SH3GL2: variants seen among roughly 807,000 people sequenced by gnomAD.
The protein encoded by SH3GL2 is endophilin-A1.
A neutral mutation model predicts 46.0 loss-of-function variants in SH3GL2; 24 were observed. The ratio of observed to expected loss-of-function variants is 0.52; its 90% CI spans 0.38 to 0.73. The LOEUF (loss-of-function observed/expected upper bound fraction) is 0.73, where lower values mean the gene tolerates loss of function less well. Ranked by LOEUF, SH3GL2 falls within the 30% of genes least tolerant of loss-of-function variation. The pLI is 0.00. For missense variants in SH3GL2, 413 were observed against 424.2 expected, an observed-to-expected ratio of 0.97 and a Z score of 0.23; for synonymous variants, 196 against 147.1, an observed-to-expected ratio of 1.33 and a Z score of -2.40.
At chr9:17,767,784 G>A (rs1823355696) in intron 3 of SH3GL2, among the ~76,000 whole-genome samples, 1 of 152,182 alleles carries the variant, frequency 6.6e-6, no homozygotes, top group Admixed American at 6.5e-5. Context: ...TACAAAAGCA[G>A]TTGTGAGGAA....
At chr9:17,784,188 A>T (rs1823891655) in intron 3 of SH3GL2, among the ~76,000 whole-genome samples, 1 of 152,178 alleles carries the variant, frequency 6.6e-6, no homozygotes, top group South Asian at 2.1e-4. Flanking sequence ...CTTCTTATGA[A>T]AATATAGAAC....
At chr9:17,589,743 G>A (rs1310727396) in intron 1 of SH3GL2, 1 of 152,274 alleles carries the variant, frequency 6.6e-6, no homozygotes, top group Admixed American at 6.5e-5. Context: ...CTTTGAAGTT[G>A]TTCATTAAGT....
chr9:17,685,569 T>C (rs923166910), intron 1 of SH3GL2, among the ~76,000 whole-genome samples: 1 of 152,088 alleles, frequency 6.6e-6, no homozygotes, highest in Non-Finnish European at 1.5e-5. Flanking sequence ...TCTAGGGTTT[T>C]TATGGTTTTA....
intron 1 of SH3GL2, among the ~76,000 whole-genome samples, chr9:17,580,618 A>G (rs8181077): frequency 6.6e-6 from 1 of 152,000 alleles, no homozygotes; most frequent in Non-Finnish European, 1.5e-5. Flanking sequence ...AATTGGAGTT[A>G]TCTGTGACCT....
intron 2 of SH3GL2, among the ~76,000 whole-genome samples, chr9:17,750,115 A>G (rs1212111308): frequency 2.6e-5 from 4 of 152,208 alleles, no homozygotes; most frequent in South Asian, 2.1e-4. Flanking sequence ...CATGAATAGT[A>G]TAAGATTTCT....
chr9:17,597,153 A>G (rs1818587382), intron 1 of SH3GL2, among the ~76,000 whole-genome samples: 1 of 152,242 alleles, frequency 6.6e-6, no homozygotes, highest in African/African-American at 2.4e-5. Context: ...GCTGAAGCAT[A>G]TACCAAATTG....
intron 2 of SH3GL2, among the ~76,000 whole-genome samples, chr9:17,758,907 T>C (rs1823088763): frequency 6.6e-6 from 1 of 152,122 alleles, no homozygotes; most frequent in South Asian, 2.1e-4. Flanking sequence ...ATAGTTTTTA[T>C]TCCTACTTCT....
intron 1 of SH3GL2, among the ~76,000 whole-genome samples, chr9:17,662,114 G>T (rs1161738713): frequency 1.3e-5 from 2 of 152,166 alleles, no homozygotes; most frequent in Non-Finnish European, 1.5e-5. Flanking sequence ...TGCTTGATAA[G>T]AATGTGCATT....
At chr9:17,732,266 A>T (rs1023649531) in intron 1 of SH3GL2, among the ~76,000 whole-genome samples, 2 of 152,138 alleles carry the variant, frequency 1.3e-5, no homozygotes, top group Non-Finnish European at 2.9e-5. Context: ...TTTGCCCTCA[A>T]GGTTTGCCAC....
intron 1 of SH3GL2, among the ~76,000 whole-genome samples, chr9:17,652,700 G>C (rs1819984675): frequency 6.6e-6 from 1 of 152,150 alleles, no homozygotes; most frequent in Non-Finnish European, 1.5e-5. Flanking sequence ...CAAAGGAAAT[G>C]CTCATTGGAG....
At chr9:17,685,665 T>C (rs1820884164) in intron 1 of SH3GL2, among the ~76,000 whole-genome samples, 1 of 152,124 alleles carries the variant, frequency 6.6e-6, no homozygotes, top group African/African-American at 2.4e-5. Context: ...TTTCTACATA[T>C]GGCTAGCCAG....
chr9:17,585,761 T>C lies in SH3GL2; in HGVS notation c.45+6474T>C, dbSNP rs534262144. On this transcript the variant is annotated intron_variant, in intron 1 of 8. Coordinates refer to ENST00000380607, the MANE Select transcript of SH3GL2 (RefSeq NM_003026.5). ...GTCAGAAGAAGACAGAGAGGTGAAC[T>C]TGTGGTAGGGGCCAACCTTATCAAA... 7.9e-5 allele frequency among the ~76,000 whole-genome samples: 12 copies of C among 152,300 alleles called. No homozygotes were observed. In the South Asian group the frequency reaches 2.3e-3, roughly 29 times the overall value.
At chr9:17,703,706 A>G (rs1009335186) in intron 1 of SH3GL2, among the ~76,000 whole-genome samples, 11 of 152,110 alleles carry the variant, frequency 7.2e-5, no homozygotes, top group Non-Finnish European at 1.3e-4. Flanking sequence ...CAAAAACCAC[A>G]TGATCATCTC....
At chr9:17,735,709 G>A (rs2383044) in intron 1 of SH3GL2, 256,864 of 927,540 alleles carry the variant, frequency 0.28, 37,782 homozygotes, top group East Asian at 0.49. Context: ...GGACAACTCT[G>A]TTGGCACAGA....
At chr9:17,789,658 T>G (rs1824066284) in intron 6 of SH3GL2, 108 bp downstream of exon 6, 2 of 1,517,668 alleles carry the variant, frequency 1.3e-6, no homozygotes, top group Admixed American at 3.9e-5. Flanking sequence ...CACTATGTGA[T>G]AAGAACTTCA....
chr9:17,754,680 T>C (rs1822939524), intron 2 of SH3GL2, among the ~76,000 whole-genome samples: 2 of 152,032 alleles, frequency 1.3e-5, no homozygotes, highest in African/African-American at 4.8e-5. Flanking sequence ...CTCAAAAAAA[T>C]AAAATAAATA....
chr9:17,625,520 T>G (rs1022591339), intron 1 of SH3GL2, among the ~76,000 whole-genome samples: 2 of 152,228 alleles, frequency 1.3e-5, no homozygotes, highest in Non-Finnish European at 2.9e-5. Flanking sequence ...ATACCTTGTG[T>G]GATAATCAGG....
In SH3GL2 at chr9:17,765,905, T is replaced by C. The variant is rs143905872; in HGVS notation, c.187+4396T>C. Among the ~76,000 whole-genome samples, 494 of 152,360 alleles carry C rather than the reference T, an allele frequency of 3.2e-3. 2 individuals carry two copies. Among genetic ancestry groups the C allele is most frequent in the African/African-American group, 0.012 (487 of 41,594 alleles). ...CTGGGATATTGGAATAAATGAATTA[T>C]GAAGCACAGTTGACTGTCAGTGTCT... On this transcript the variant is annotated intron_variant, in intron 3 of 8. Transcript: ENST00000380607.
chr9:17,646,141 T>C (rs111290966), intron 1 of SH3GL2, among the ~76,000 whole-genome samples: 6 of 151,906 alleles, frequency 3.9e-5, no homozygotes, highest in African/African-American at 1.2e-4. Flanking sequence ...ATCTCTGATA[T>C]CCTTTCTTCT....
Sources: gnomAD v4.1 joint callset for allele counts (sites outside exome capture counted in the v4.1 genomes callset) on GRCh38, gnomAD v4.1.1 for gene constraint, MANE v1.5 for transcripts, NCBI Gene and HGNC (gene_info 2026-07-23, HGNC 2026-07-21) for gene names.